SV2B: variants seen among roughly 807,000 people sequenced by gnomAD.
SV2B encodes synaptic vesicle glycoprotein 2B.
Under a neutral mutation model 73.9 loss-of-function variants are expected in SV2B, and 41 were observed. The ratio of observed to expected loss-of-function variants is 0.56; its 90% CI spans 0.43 to 0.72. The LOEUF is 0.72. Ranked by LOEUF, SV2B falls within the 30% of genes least tolerant of loss-of-function variation. The pLI is 0.00. For synonymous variants in SV2B, 314 were observed against 314.2 expected, an observed-to-expected ratio of 1.00 and a Z score of 0.01; for missense variants, 764 against 857.8, an observed-to-expected ratio of 0.89 and a Z score of 1.37.
chr15:91,194,239 G>T (rs2045157311), intron 1 of SV2B, among the ~76,000 whole-genome samples: 1 of 152,020 alleles, frequency 6.6e-6, no homozygotes, highest in South Asian at 2.1e-4. Context: ...GGGGTGATGG[G>T]TAGAGCATTG....
rs984559790 is a variant in SV2B at position 91,229,254 on chromosome 15, C to T, written c.451+2540C>T. ...CTAGGGTTTGGCGACTGGGTACGTC[C>T]TACATGTCATCGATCTGCTAGTGAC... On this transcript the variant is annotated intron_variant, in intron 2 of 12. Transcript: ENST00000394232. The surrounding 1 kb of genome is among the most constrained non-coding windows in gnomAD (Gnocchi z 4.3). 6.6e-6 allele frequency among the ~76,000 whole-genome samples: 1 copy of T among 151,896 alleles called. No homozygotes were observed. Among genetic ancestry groups the T allele is most frequent in the African/African-American group, 2.4e-5 (1 of 41,336 alleles).
intron 2 of SV2B, among the ~76,000 whole-genome samples, chr15:91,237,354 C>A (rs1441599008): frequency 6.6e-6 from 1 of 152,164 alleles, no homozygotes. Context: ...CCTGTAGCAC[C>A]CTGCTCCCAG....
chr15:91,275,935 TC>T (rs1296045653), intron 9 of SV2B, among the ~76,000 whole-genome samples: 1 of 152,236 alleles, frequency 6.6e-6, no homozygotes, highest in Non-Finnish European at 1.5e-5. Context: ...CTGAGGAACT[TC>T]CCGTTACTAT....
chr15:91,153,018 A>T (rs1281029863), intron 1 of SV2B, among the ~76,000 whole-genome samples: 1 of 152,112 alleles, frequency 6.6e-6, no homozygotes, highest in East Asian at 1.9e-4. Flanking sequence ...GGTGCCTTCC[A>T]AGATGGTGCT....
At chr15:91,178,992 C>T (rs2044441126) in intron 1 of SV2B, among the ~76,000 whole-genome samples, 1 of 151,540 alleles carries the variant, frequency 6.6e-6, no homozygotes, top group Non-Finnish European at 1.5e-5. Flanking sequence ...GTTAGGGTGT[C>T]AATTTTGGAT....
In SV2B at chr15:91,284,103, G is replaced by T. The variant is rs1466460464; in HGVS notation, c.1590G>T (p.Leu530Phe). 1 of 1,614,154 alleles carries T rather than the reference G, an allele frequency of 6.2e-7. No homozygotes were observed. The highest frequency in any genetic ancestry group is 1.7e-5 in the Admixed American group (1 of 60,020). The change falls in exon 11 of 13, where the codon TTG becomes TTT. Residue 530 changes from leucine to phenylalanine, a missense_variant. Coordinates refer to ENST00000394232, the MANE Select transcript of SV2B (RefSeq NM_001323032.3). The surrounding 1 kb of genome is among the most constrained non-coding windows in gnomAD (Gnocchi z 4.5). The stretch of plus-strand genomic sequence containing the variant: ...AGAAGGAGGGCTGCCACATGGACTT[G>T]GAGCAAGATAATGACTTCCTGATTT... ...LEQKEGCHMDLEQDNDFLIYL... is the reference protein window; with the variant it reads ...LEQKEGCHMDFEQDNDFLIYL...
At chr15:91,195,848 C>T (rs2045227000) in intron 1 of SV2B, among the ~76,000 whole-genome samples, 1 of 152,180 alleles carries the variant, frequency 6.6e-6, no homozygotes, top group Non-Finnish European at 1.5e-5. Context: ...TGAAGCTTGC[C>T]TGGCATAATT....
At chr15:91,160,905 T>C (rs1377292853) in intron 1 of SV2B, among the ~76,000 whole-genome samples, 1 of 152,160 alleles carries the variant, frequency 6.6e-6, no homozygotes, top group Non-Finnish European at 1.5e-5. Context: ...CTGGAAATAA[T>C]CTAAATGACT....
intron 1 of SV2B, among the ~76,000 whole-genome samples, chr15:91,218,146 C>G (rs568493150): frequency 3.3e-5 from 5 of 152,076 alleles, no homozygotes; most frequent in South Asian, 2.1e-4. Flanking sequence ...AATGAAGACT[C>G]TCCAAAAAAA....
Position 91,130,717 on chromosome 15 carries a change from C to T in SV2B, c.-392+30354C>T, listed in dbSNP as rs1364537053. Among the ~76,000 whole-genome samples the T allele has an allele frequency of 6.6e-6, 1 of 152,016 alleles. No homozygotes were observed. The highest frequency in any genetic ancestry group is 1.9e-4 in the East Asian group (1 of 5,190). ...TGGAGGTGAGAAGAAGAGCTGCAGT[C>T]CTGGGGGCAAAGAGGGGAGTGTGTG... is the stretch of plus-strand genomic sequence containing the variant. On this transcript the variant is annotated intron_variant, in intron 1 of 12. Transcript: ENST00000394232. This position sits in a 1 kb window ranked among gnomAD's most constrained non-coding sequence, Gnocchi z 5.6.
At chr15:91,237,233 C>T (rs952155862) in intron 2 of SV2B, among the ~76,000 whole-genome samples, 2 of 152,184 alleles carry the variant, frequency 1.3e-5, no homozygotes, top group Non-Finnish European at 2.9e-5. Context: ...TGTGGCCCCT[C>T]TCAAAGTCAT....
intron 11 of SV2B, among the ~76,000 whole-genome samples, chr15:91,287,969 A>G (rs774412948): frequency 6.6e-6 from 1 of 152,162 alleles, no homozygotes; most frequent in Non-Finnish European, 1.5e-5. Flanking sequence ...GGATGCAGAC[A>G]TTGCCAGAAA....
At position 91,265,252 on chromosome 15, in the gene SV2B, T is replaced by A. The variant is rs1307654314; in HGVS notation, c.1009-1330T>A. ...TGAGCTCTAGGTTTTACCAGCCCTG[T>A]TGGCTGCCTCACAAACTCACAGTGA... is the stretch of plus-strand genomic sequence containing the variant. On this transcript the variant is annotated intron_variant, in intron 6 of 12. Coordinates refer to ENST00000394232, the MANE Select transcript of SV2B (RefSeq NM_001323032.3). The surrounding 1 kb of genome is among the most constrained non-coding windows in gnomAD (Gnocchi z 4.2). Among the ~76,000 whole-genome samples, 3 of 152,188 alleles carry A rather than the reference T, an allele frequency of 2.0e-5. No individual in the cohort carries two copies. In the East Asian group the frequency reaches 5.8e-4, roughly 29 times the overall value.
At position 91,231,402 on chromosome 15, in the gene SV2B, T is replaced by C. The variant is rs1464676567; in HGVS notation, c.451+4688T>C. The stretch of plus-strand genomic sequence containing the variant: ...GAGGAGCAGAATTTTGAGGATGAGT[T>C]TTCTGAATTGGTTCTGGGGTTTCTG... On this transcript the variant is annotated intron_variant, in intron 2 of 12. Transcript: ENST00000394232. The surrounding 1 kb of genome is among the most constrained non-coding windows in gnomAD (Gnocchi z 4.5). Among the ~76,000 whole-genome samples, 2 of 152,126 alleles carry C rather than the reference T, an allele frequency of 1.3e-5. No individual in the cohort carries two copies.
At position 91,191,063 on chromosome 15, in the gene SV2B, C is replaced by CTTTTTTT. The variant is rs59849012; in HGVS notation, c.-391-34795_-391-34789dup. On this transcript the variant is annotated intron_variant, in intron 1 of 12. Transcript: ENST00000394232. ...TACCCTGGTGGTTTTTTTGGTGTTT[C>CTTTTTTT]TTTTTTTTTTTTTTTTTTTTTGACA... Among the ~76,000 whole-genome samples, 33 of 64,240 alleles carry CTTTTTTT rather than the reference C, an allele frequency of 5.1e-4. 3 individuals carry two copies. The highest frequency in any genetic ancestry group is 1.1e-3 in the African/African-American group (21 of 18,378). 42.1% of individuals were successfully genotyped at this position (64,240 alleles called of 152,430 possible).
chr15:91,186,886 CAAGT>C (rs1324692046), intron 1 of SV2B, among the ~76,000 whole-genome samples: 3 of 152,108 alleles, frequency 2.0e-5, no homozygotes, highest in Admixed American at 1.3e-4. Flanking sequence ...ATAAATTAAA[CAAGT>C]AAGAGAATGC....
chr15:91,256,484 G>C (rs1337673684), intron 4 of SV2B, among the ~76,000 whole-genome samples: 1 of 152,188 alleles, frequency 6.6e-6, no homozygotes, highest in East Asian at 1.9e-4. Flanking sequence ...GAGTTTGACT[G>C]CTGTGTGGTT....
chr15:91,282,000 G>A lies in SV2B; in HGVS notation c.1507+139G>A. ...AAATGCCAAGCCTTGGTGGGGAAAT[G>A]GATTTTAGCCCCAGGCATGGCACAA... On this transcript the variant is annotated intron_variant, in intron 10 of 12. Transcript: ENST00000394232. The surrounding 1 kb of genome is among the most constrained non-coding windows in gnomAD (Gnocchi z 4.7). The A allele has an allele frequency of 9.3e-7, 1 of 1,078,050 alleles. No individual in the cohort carries two copies. The highest frequency in any genetic ancestry group is 1.3e-6 in the Non-Finnish European group (1 of 788,914). The allele number at this position is 1,078,050 out of a possible 1,614,324, so 66.8% of individuals were successfully genotyped here.
intron 1 of SV2B, among the ~76,000 whole-genome samples, chr15:91,183,877 TTTGAAAATG>T (rs2141325668): frequency 6.6e-6 from 1 of 152,344 alleles, no homozygotes; most frequent in East Asian, 1.9e-4. Context: ...CCTCCTGGCT[TTTGAAAATG>T]TTGTCATTGT....
Sources: allele counts gnomAD v4.1 joint callset (sites outside exome capture counted in the v4.1 genomes callset), GRCh38; gene constraint gnomAD v4.1.1; non-coding constraint Gnocchi (gnomAD v3.1); transcripts MANE v1.5; gene names NCBI Gene and HGNC (gene_info 2026-07-23, HGNC 2026-07-21).